Variants in SLC22A16 observed in about 807,000 individuals in gnomAD.
SLC22A16 encodes the protein solute carrier family 22 member 16.
SLC22A16 carries 53 observed loss-of-function variants against 52.9 expected under a neutral mutation model. That is an observed-to-expected ratio of 1.00 (90% CI 0.80 to 1.26). The LOEUF (loss-of-function observed/expected upper bound fraction) is 1.26, where lower values mean the gene tolerates loss of function less well. SLC22A16 is among the 50% of genes most tolerant of loss of function. SLC22A16 has a pLI of 0.00. For synonymous variants in SLC22A16, 291 were observed against 268.8 expected (o/e 1.08, Z -0.81); for missense variants, 726 against 704.0 (o/e 1.03, Z -0.35).
chr6:110,428,329 TA>T (rs1774357987), intron 7 of SLC22A16, among the ~76,000 whole-genome samples: 1 of 144,654 alleles, frequency 6.9e-6, no homozygotes, highest in Non-Finnish European at 1.5e-5. Context: ...TCCATAAATA[TA>T]CACCACACCC....
intron 1 of SLC22A16, 107 bp from the exon 2 acceptor site, chr6:110,457,124 G>A: frequency 2.0e-6 from 2 of 996,480 alleles, no homozygotes; most frequent in East Asian, 2.6e-5. Context: ...ATACACGAAT[G>A]GATAAATATA....
chr6:110,435,935 T>TGTC lies in SLC22A16; in HGVS notation c.1335_1337dup (p.Thr446dup), dbSNP rs765853531. 9 of 1,613,954 alleles carry TGTC rather than the reference T, an allele frequency of 5.6e-6. No homozygotes were observed. In the South Asian group the frequency reaches 7.7e-5, roughly 14 times the overall value. On this transcript the variant is annotated inframe_insertion, in exon 6 of 8. Coordinates refer to ENST00000368919, the MANE Select transcript of SLC22A16 (RefSeq NM_033125.4). ...CGATGGCAAATTTTCCAACCATAGC[T>TGTC]GTCACCACACCCAAAATATAATGTT...
chr6:110,446,864 A>T lies in SLC22A16; in HGVS notation c.651+9T>A. ...CAGCAGAATTAAAGAAGTAAAAAAC[A>T]CAACTCACCATGGCAAGAAAAAAGC... is the stretch of plus-strand genomic sequence containing the variant. On this transcript the variant is annotated intron_variant, in intron 3 of 7. Coordinates refer to ENST00000368919, the MANE Select transcript of SLC22A16 (RefSeq NM_033125.4). The T allele has an allele frequency of 6.2e-7, 1 of 1,601,970 alleles. No homozygotes were observed. Among genetic ancestry groups the T allele is most frequent in the Non-Finnish European group, 8.5e-7 (1 of 1,175,668 alleles).
At chr6:110,468,508 T>C (rs1002806980) in intron 1 of SLC22A16, among the ~76,000 whole-genome samples, 1 of 151,782 alleles carries the variant, frequency 6.6e-6, no homozygotes, top group Middle Eastern at 3.2e-3. Context: ...TAGCCAGGCA[T>C]AGTGGCACGT....
intron 1 of SLC22A16, among the ~76,000 whole-genome samples, chr6:110,469,419 G>A (rs1280665951): frequency 6.6e-6 from 1 of 152,080 alleles, no homozygotes; most frequent in East Asian, 1.9e-4. Context: ...GGCAGTTGCG[G>A]GTGACTGTAG....
chr6:110,424,850 G>A lies in SLC22A16; in HGVS notation c.*23C>T. On this transcript the variant is annotated 3_prime_UTR_variant, in exon 8 of 8. Coordinates refer to ENST00000368919, the MANE Select transcript of SLC22A16 (RefSeq NM_033125.4). ...CATTAGGGTAAATAATATTTCAGGT[G>A]CTAGACAGCAGGCATGGCACATTTA... 6.2e-7 allele frequency: 1 copy of A among 1,613,884 alleles called. No homozygotes were observed. Among genetic ancestry groups the A allele is most frequent in the Non-Finnish European group, 8.5e-7 (1 of 1,179,866 alleles).
Position 110,476,548 on chromosome 6 carries a change from A to C in SLC22A16, c.27T>G (p.Ile9Met), listed in dbSNP as rs544817471. 2.9e-5 allele frequency: 44 copies of C among 1,523,528 alleles called. No individual in the cohort carries two copies. The South Asian group carries it at 4.8e-4, about 17-fold the overall frequency. 94.4% of individuals were successfully genotyped at this position (1,523,528 alleles called of 1,614,324 possible). A position where few individuals can be genotyped will look rare whatever the true frequency, so the allele number is the denominator to read the frequency against. Residue 9 changes from isoleucine (I) to methionine (M), a missense_variant, in exon 1 of 8, where the codon ATT becomes ATG. Transcript: ENST00000368919. MGSRHFEG[I>M]YDHVGHFGRF... is the part of the protein sequence containing the mutation. ...TGCCGAAGTGCCCCACGTGGTCATA[A>C]ATCCCCTCGAAGTGGCGGGACCCCA...
At chr6:110,438,982 AT>A (rs1774856781) in intron 4 of SLC22A16, 135 bp from the exon 5 acceptor site, 22 of 1,125,686 alleles carry the variant, frequency 2.0e-5, no homozygotes, top group Non-Finnish European at 2.7e-5. Flanking sequence ...CTCTCTAAGA[AT>A]TGCTGCGAGG....
rs995884942 is a variant in SLC22A16 at position 110,462,799 on chromosome 6, A to G, written c.54-5782T>C. Among the ~76,000 whole-genome samples, 31 of 152,138 alleles carry G rather than the reference A, an allele frequency of 2.0e-4. 1 individual carries two copies. The highest frequency in any genetic ancestry group is 4.3e-4 in the Non-Finnish European group (29 of 68,014). On this transcript the variant is annotated intron_variant, in intron 1 of 7. Transcript: ENST00000368919. Reference sequence around the variant, plus strand: ...TATCTGGGAGATACTATAAAAGATGAATGTCACCAAGGCATATAGTCATCA... The same window carrying G: ...TATCTGGGAGATACTATAAAAGATGGATGTCACCAAGGCATATAGTCATCA...
intron 5 of SLC22A16, among the ~76,000 whole-genome samples, chr6:110,438,322 A>G (rs1019431169): frequency 6.7e-6 from 1 of 150,202 alleles, no homozygotes; most frequent in Non-Finnish European, 1.5e-5. Flanking sequence ...TGAACTTTTT[A>G]TTTTTTATTT....
At chr6:110,433,532 T>C (rs1467888418) in intron 6 of SLC22A16, among the ~76,000 whole-genome samples, 10 of 152,208 alleles carry the variant, frequency 6.6e-5, no homozygotes, top group Non-Finnish European at 1.5e-5. Flanking sequence ...GCTGGTGTTA[T>C]ATGGACTTAT....
At chr6:110,449,582 G>A (rs1375729561) in intron 2 of SLC22A16, among the ~76,000 whole-genome samples, 1 of 152,204 alleles carries the variant, frequency 6.6e-6, no homozygotes, top group East Asian at 1.9e-4. Flanking sequence ...ATATCCAAAC[G>A]TGTTCCCTTC....
intron 1 of SLC22A16, chr6:110,475,016 A>T (rs777725719): frequency 1.9e-6 from 1 of 518,444 alleles, no homozygotes; most frequent in African/African-American, 1.9e-5. Context: ...AAACATTTGT[A>T]CTATTATTAG....
intron 1 of SLC22A16, among the ~76,000 whole-genome samples, chr6:110,470,846 G>A (rs950233789): frequency 1.3e-5 from 2 of 152,258 alleles, no homozygotes; most frequent in Non-Finnish European, 2.9e-5. Flanking sequence ...ATGCTGATAC[G>A]GATGAAAACA....
At chr6:110,427,968 T>C (rs971874690) in intron 7 of SLC22A16, among the ~76,000 whole-genome samples, 4 of 152,202 alleles carry the variant, frequency 2.6e-5, no homozygotes, top group Non-Finnish European at 4.4e-5. Context: ...ATCTGCTCCT[T>C]AGCACCTAGC....
intron 1 of SLC22A16, among the ~76,000 whole-genome samples, chr6:110,472,358 G>T (rs1016288458): frequency 1.3e-5 from 2 of 151,948 alleles, no homozygotes; most frequent in Admixed American, 1.3e-4. Flanking sequence ...GGTCTTCACT[G>T]GCCCCCTTGC....
At chr6:110,439,216 C>G (rs1041065910) in intron 4 of SLC22A16, among the ~76,000 whole-genome samples, 2 of 152,164 alleles carry the variant, frequency 1.3e-5, no homozygotes, top group Admixed American at 6.5e-5. Context: ...AGTGAAAAAT[C>G]CAAAACGGTA....
chr6:110,442,486 C>T lies in SLC22A16; in HGVS notation c.941G>A (p.Trp314Ter). 1 of 1,614,174 alleles carries T rather than the reference C, an allele frequency of 6.2e-7. No individual in the cohort carries two copies. Among genetic ancestry groups the T allele is most frequent in the Non-Finnish European group, 8.5e-7 (1 of 1,180,030 alleles). ...CAGTTTACAGGAGCTTGCCCTGTTCCACTTGGCCATGATGTCAACTATTTT... is the reference window on the plus strand; with the variant it reads ...CAGTTTACAGGAGCTTGCCCTGTTCTACTTGGCCATGATGTCAACTATTTT... ...AQKIVDIMAK[W>*]NRASSCKLSE... is the part of the protein sequence containing the mutation. The change falls in exon 4 of 8, where the codon TGG (tryptophan) becomes TAG (stop). Residue 314 changes from tryptophan (W) to a stop codon, truncating the protein, a stop_gained. Transcript: ENST00000368919. LOFTEE classifies it high-confidence loss of function.
At chr6:110,427,370 G>T (rs553476603) in intron 7 of SLC22A16, among the ~76,000 whole-genome samples, 1 of 152,072 alleles carries the variant, frequency 6.6e-6, no homozygotes, top group East Asian at 1.9e-4. Flanking sequence ...GTGGCTTTGG[G>T]CAAGTTACTT....
Sources: gnomAD v4.1 joint callset for allele counts (sites outside exome capture counted in the v4.1 genomes callset) on GRCh38, gnomAD v4.1.1 for gene constraint, MANE v1.5 for transcripts, NCBI Gene and HGNC (gene_info 2026-07-23, HGNC 2026-07-21) for gene names.